CDH18: variants seen among roughly 807,000 people sequenced by gnomAD.
The protein encoded by CDH18 is cadherin-18.
Under a neutral mutation model 67.9 loss-of-function variants are expected in CDH18, and 31 were observed. That is an observed-to-expected ratio of 0.46 (90% confidence interval 0.34 to 0.62). The LOEUF is 0.62. CDH18 is among the 20% of genes least tolerant of loss of function. The probability of loss-of-function intolerance (pLI) is 0.01; values close to 1 mark genes in which losing one functional copy is unlikely to be tolerated. For synonymous variants in CDH18, 362 were observed against 347.2 expected (o/e 1.04, Z -0.48); for missense variants, 890 against 975.5 (o/e 0.91, Z 1.17).
intron 12 of CDH18, among the ~76,000 whole-genome samples, chr5:19,480,464 G>A (rs912920877): frequency 1.3e-5 from 2 of 151,206 alleles, no homozygotes; most frequent in South Asian, 2.1e-4. Flanking sequence ...TGCAAGCTCC[G>A]CCTCCCGGGC....
intron 2 of CDH18, among the ~76,000 whole-genome samples, chr5:19,848,921 G>A (rs778614858): frequency 4.1e-4 from 61 of 148,516 alleles, no homozygotes; most frequent in Non-Finnish European, 7.0e-4. Context: ...TTTTATATGG[G>A]CTATATTATA....
At chr5:19,515,712 C>A (rs547761969) in intron 10 of CDH18, among the ~76,000 whole-genome samples, 28 of 152,186 alleles carry the variant, frequency 1.8e-4, no homozygotes, top group African/African-American at 6.7e-4. Flanking sequence ...TATCCTGAGA[C>A]TTGGCTGAAG....
chr5:19,661,330 T>C (rs184777237), intron 5 of CDH18, among the ~76,000 whole-genome samples: 15 of 152,094 alleles, frequency 9.9e-5, no homozygotes, highest in Non-Finnish European at 2.2e-4. Flanking sequence ...ATACCAGTGA[T>C]AGTATTTACC....
At chr5:19,559,494 C>T (rs1739050824) in intron 8 of CDH18, among the ~76,000 whole-genome samples, 1 of 151,936 alleles carries the variant, frequency 6.6e-6, no homozygotes, top group South Asian at 2.1e-4. Flanking sequence ...GGTTAAAACA[C>T]TCATCAAAAA....
intron 12 of CDH18, among the ~76,000 whole-genome samples, chr5:19,477,785 A>G (rs1385826009): frequency 6.6e-6 from 1 of 152,118 alleles, no homozygotes; most frequent in Non-Finnish European, 1.5e-5. Context: ...AAAATACAAT[A>G]TGAGAGAACC....
chr5:20,213,476 A>T (rs775591822), intron 2 of CDH18, among the ~76,000 whole-genome samples: 11 of 152,068 alleles, frequency 7.2e-5, no homozygotes, highest in Non-Finnish European at 1.2e-4. Context: ...TGTTTTGTAC[A>T]TTCAGTAAAC....
At chr5:19,651,551 G>T (rs1256770905) in intron 5 of CDH18, among the ~76,000 whole-genome samples, 1 of 151,986 alleles carries the variant, frequency 6.6e-6, no homozygotes, top group Non-Finnish European at 1.5e-5. Context: ...ACAGATAAAA[G>T]TTTAATCAGA....
At chr5:19,881,084 T>C (rs1787588243) in intron 2 of CDH18, among the ~76,000 whole-genome samples, 1 of 152,144 alleles carries the variant, frequency 6.6e-6, no homozygotes, top group Non-Finnish European at 1.5e-5. Flanking sequence ...AGAGAGTTTA[T>C]TAAACGGTGC....
intron 11 of CDH18, among the ~76,000 whole-genome samples, chr5:19,495,717 C>CAAAAAAAAA (rs749003068): frequency 7.1e-4 from 33 of 46,522 alleles, no homozygotes; most frequent in Non-Finnish European, 8.5e-4. Flanking sequence ...GAAACTGTCT[C>CAAAAAAAAA]AAAAAAAAAA....
intron 1 of CDH18, among the ~76,000 whole-genome samples, chr5:20,265,010 C>T (rs967077895): frequency 7.2e-5 from 11 of 152,154 alleles, no homozygotes; most frequent in East Asian, 5.8e-4. Flanking sequence ...ATACGAGAGA[C>T]GAGTGAGATA....
chr5:20,409,369 A>T (rs1424244589), intron 1 of CDH18, among the ~76,000 whole-genome samples: 1 of 151,828 alleles, frequency 6.6e-6, no homozygotes, highest in African/African-American at 2.4e-5. Flanking sequence ...AGAAGAAAAT[A>T]GAAAAGTTCA....
At chr5:19,881,055 T>A (rs913530015) in intron 2 of CDH18, among the ~76,000 whole-genome samples, 1 of 152,174 alleles carries the variant, frequency 6.6e-6, no homozygotes, top group African/African-American at 2.4e-5. Flanking sequence ...GAAGTGTTAT[T>A]CTGGCAAAAG....
intron 1 of CDH18, among the ~76,000 whole-genome samples, chr5:20,522,209 C>A (rs1304651775): frequency 1.6e-5 from 2 of 123,534 alleles, no homozygotes; most frequent in Non-Finnish European, 3.9e-5. Flanking sequence ...AACCTGCTGA[C>A]ACTTTGATCT....
At chr5:20,501,893 TACACACACAC>T (rs61655025) in intron 1 of CDH18, among the ~76,000 whole-genome samples, 1 of 145,022 alleles carries the variant, frequency 6.9e-6, no homozygotes, top group Non-Finnish European at 1.5e-5. Flanking sequence ...AATACTTCCT[TACACACACAC>T]ACACACACAC....
chr5:19,798,564 C>T (rs537271478), intron 3 of CDH18, among the ~76,000 whole-genome samples: 2 of 151,754 alleles, frequency 1.3e-5, no homozygotes, highest in East Asian at 1.9e-4. Context: ...AAAATAAATG[C>T]TTTTTTTCCC....
At chr5:20,383,262 C>T (rs1744061661) in intron 1 of CDH18, among the ~76,000 whole-genome samples, 1 of 152,100 alleles carries the variant, frequency 6.6e-6, no homozygotes, top group Non-Finnish European at 1.5e-5. Flanking sequence ...ATTAAGTCCA[C>T]TTGGAGGACA....
At chr5:20,436,628 G>GTA (rs371166123) in intron 1 of CDH18, among the ~76,000 whole-genome samples, 52 of 149,696 alleles carry the variant, frequency 3.5e-4, no homozygotes, top group South Asian at 1.1e-3. Context: ...GTATATATGT[G>GTA]TATATATATA....
At chr5:19,881,136 G>A (rs771170497) in intron 2 of CDH18, among the ~76,000 whole-genome samples, 2 of 152,128 alleles carry the variant, frequency 1.3e-5, no homozygotes, top group Non-Finnish European at 1.5e-5. Context: ...ATGTATGAAG[G>A]CAGAGGGCAG....
At chr5:19,730,008 G>A (rs1367920868) in intron 4 of CDH18, among the ~76,000 whole-genome samples, 3 of 151,872 alleles carry the variant, frequency 2.0e-5, no homozygotes, top group Non-Finnish European at 4.4e-5. Context: ...CTGCCTTTCT[G>A]TCTCTCTCTC....
Sources: gnomAD v4.1 joint callset for allele counts (sites outside exome capture counted in the v4.1 genomes callset) on GRCh38, gnomAD v4.1.1 for gene constraint, MANE v1.5 for transcripts, NCBI Gene and HGNC (gene_info 2026-07-23, HGNC 2026-07-21) for gene names.